Variants in CENPI observed in about 807,000 individuals in gnomAD.
CENPI encodes FSH primary response 1.
A neutral mutation model predicts 60.4 loss-of-function variants in CENPI; 4 were observed. The ratio of observed to expected loss-of-function variants is 0.07; its 90% CI spans 0.03 to 0.15. The LOEUF (loss-of-function observed/expected upper bound fraction) is 0.15. Ranked by LOEUF, CENPI falls within the 10% of genes least tolerant of loss-of-function variation. The pLI is 1.00. For missense variants in CENPI, 444 were observed against 534.5 expected (o/e 0.83, Z 1.67); for synonymous variants, 157 against 189.4 (o/e 0.83, Z 1.40).
In CENPI at chrX:101,166,018, CTTAAA is replaced by C. The variant is rs2090142667; in HGVS notation, c.*3054_*3058del. Among the ~76,000 whole-genome samples, 1 of 112,175 alleles carries C rather than the reference CTTAAA, an allele frequency of 8.9e-6. No homozygotes were observed. The highest frequency in any genetic ancestry group is 3.2e-5 in the African/African-American group (1 of 31,012). On this transcript the variant is annotated 3_prime_UTR_variant, in exon 22 of 22. Coordinates refer to ENST00000682095, the MANE Select transcript of CENPI (RefSeq NM_001386188.2). ...TTATCATTAAAGAAACTTTTCTAAACTTAAATTTATGAAAAATAATTTTTCCCTTA... is the reference window on the plus strand; with the variant it reads ...TTATCATTAAAGAAACTTTTCTAAACTTTATGAAAAATAATTTTTCCCTTA...
chrX:101,157,527 G>A (rs759803998), intron 20 of CENPI, among the ~76,000 whole-genome samples: 1 of 109,330 alleles, frequency 9.1e-6, no homozygotes, highest in African/African-American at 3.3e-5. Flanking sequence ...GCATGCACCT[G>A]TGCTCTCAGT....
At chrX:101,117,165 C>T (rs1422162391) in intron 6 of CENPI, among the ~76,000 whole-genome samples, 1 of 111,606 alleles carries the variant, frequency 9.0e-6, no homozygotes, top group African/African-American at 3.3e-5. Context: ...TTTTCCAGGC[C>T]ATCCCACTAG....
At chrX:101,152,371 T>C (rs945352988) in intron 20 of CENPI, among the ~76,000 whole-genome samples, 1 of 109,995 alleles carries the variant, frequency 9.1e-6, no homozygotes, top group African/African-American at 3.3e-5. Flanking sequence ...CCTCTAGAAG[T>C]TTCAAATCAA....
At chrX:101,174,201 C>T in the CENPI span, among the ~76,000 whole-genome samples, 1 of 112,489 alleles carries the variant, frequency 8.9e-6, no homozygotes, top group Non-Finnish European at 1.9e-5. Context: ...TCTCAAGGAA[C>T]TTAAAACCAT....
At chrX:101,144,572 G>A (rs2089947073) in intron 16 of CENPI, among the ~76,000 whole-genome samples, 1 of 108,185 alleles carries the variant, frequency 9.2e-6, no homozygotes, top group African/African-American at 3.4e-5. Context: ...TTGTAAAGAC[G>A]GGCTTTTGCC....
intron 15 of CENPI, among the ~76,000 whole-genome samples, chrX:101,139,815 T>C (rs1441602004): frequency 2.3e-5 from 2 of 88,290 alleles, no homozygotes; most frequent in Non-Finnish European, 4.5e-5. Context: ...ATGTCATTAT[T>C]GTATGTTTTT....
chrX:101,137,136 C>G (rs1426439538), intron 15 of CENPI, among the ~76,000 whole-genome samples: 1 of 111,884 alleles, frequency 8.9e-6, no homozygotes, highest in Non-Finnish European at 1.9e-5. Context: ...TGGTCTCGAA[C>G]TTCTGGCTTC....
chrX:101,144,968 C>A, intron 16 of CENPI, 96 bp from the exon 17 acceptor site: 1 of 720,468 alleles, frequency 1.4e-6, no homozygotes, highest in Non-Finnish European at 2.0e-6. Flanking sequence ...TTTTAAAATC[C>A]TCACCAACAT....
chrX:101,134,912 G>A (rs764860529), intron 15 of CENPI, among the ~76,000 whole-genome samples: 1 of 110,204 alleles, frequency 9.1e-6, no homozygotes, highest in South Asian at 3.9e-4. Context: ...TACTCAGGAG[G>A]CTGAGGCAGG....
chrX:101,177,162 G>A, the CENPI span, among the ~76,000 whole-genome samples: 1 of 111,739 alleles, frequency 8.9e-6, no homozygotes, highest in Non-Finnish European at 1.9e-5. Flanking sequence ...CTGGGAAGGT[G>A]GGCAGGTTTT....
chrX:101,107,360 T>C (rs1010704307), intron 4 of CENPI, among the ~76,000 whole-genome samples: 4 of 110,630 alleles, frequency 3.6e-5, no homozygotes, highest in African/African-American at 1.3e-4. Flanking sequence ...TTTTTTTTCT[T>C]TTCTTTTTTT....
At chrX:101,141,692 A>G (rs990648973) in intron 16 of CENPI, among the ~76,000 whole-genome samples, 1 of 110,783 alleles carries the variant, frequency 9.0e-6, no homozygotes, top group African/African-American at 3.3e-5. Context: ...AATCTCTTCT[A>G]CCTAAATTAC....
chrX:101,102,515 A>G, intron 4 of CENPI, 104 bp downstream of exon 4: 1 of 284,201 alleles, frequency 3.5e-6, no homozygotes. Flanking sequence ...ACACACACAC[A>G]CATATATATA....
chrX:101,120,418 A>G lies in CENPI; in HGVS notation c.608A>G (p.His203Arg). Residue 203 changes from histidine to arginine, a missense_variant, in exon 7 of 22, where the codon CAT becomes CGT. Physicochemically the swap from His to Arg is conservative, Grantham distance 29. Transcript: ENST00000682095. The part of the protein sequence containing the change: ...QDDALCPYVC[H>R]LLYLLTKKEN... ...TTTTAACAGTGCCCTTATGTTTGCC[A>G]TTTGTTATATTTACTTACCAAAAAA... 1.1e-6 allele frequency: 1 copy of G among 949,297 alleles called. No individual in the cohort carries two copies. 78.2% of individuals were successfully genotyped at this position (949,297 alleles called of 1,213,427 possible).
chrX:101,107,871 C>T (rs1197719580), intron 4 of CENPI, among the ~76,000 whole-genome samples: 4 of 89,999 alleles, frequency 4.4e-5, no homozygotes, highest in Admixed American at 1.4e-4. Context: ...GAGTTTTGCT[C>T]TTGTCACCTG....
At chrX:101,130,512 A>G (rs1021695938) in intron 13 of CENPI, among the ~76,000 whole-genome samples, 2 of 112,273 alleles carry the variant, frequency 1.8e-5, no homozygotes, top group African/African-American at 6.5e-5. Flanking sequence ...TTTGAAGCTC[A>G]TTATAGATAA....
intron 20 of CENPI, among the ~76,000 whole-genome samples, chrX:101,160,445 A>G (rs1340543674): frequency 2.1e-5 from 2 of 95,732 alleles, no homozygotes; most frequent in Non-Finnish European, 4.0e-5. Flanking sequence ...CAGTGGCACT[A>G]TCTCGGCTCA....
intron 6 of CENPI, among the ~76,000 whole-genome samples, chrX:101,117,207 A>C (rs1602782289): frequency 9.2e-6 from 1 of 108,170 alleles, no homozygotes; most frequent in South Asian, 3.8e-4. Context: ...TATATATATA[A>C]TTTTTTTTTT....
At chrX:101,144,091 T>TC (rs1404616853) in intron 16 of CENPI, among the ~76,000 whole-genome samples, 16 of 100,267 alleles carry the variant, frequency 1.6e-4, no homozygotes, top group African/African-American at 5.5e-4. Context: ...CTTTTTCTTT[T>TC]TTTTTTTTTT....
Sources: gnomAD v4.1 joint callset for allele counts (sites outside exome capture counted in the v4.1 genomes callset) on GRCh38, gnomAD v4.1.1 for gene constraint, MANE v1.5 for transcripts, NCBI Gene and HGNC (gene_info 2026-07-23, HGNC 2026-07-21) for gene names.